The following CASKIN1 variants were observed in gnomAD, a reference collection of about 807,000 sequenced individuals.
The protein encoded by CASKIN1 is caskin-1.
Under a neutral mutation model 117.5 loss-of-function variants are expected in CASKIN1, and 42 were observed. The observed-to-expected ratio is 0.36, with a 90% CI of 0.28 to 0.46. The LOEUF is 0.46. Ranked by LOEUF, CASKIN1 falls within the 20% of genes least tolerant of loss-of-function variation. The pLI is 1.00. For synonymous variants in CASKIN1, 1,148 were observed against 961.7 expected (o/e 1.19, Z -3.59); for missense variants, 2,083 against 2,077.3 (o/e 1.00, Z -0.05).
chr16:2,185,793 C>T (rs938548225), intron 10 of CASKIN1, among the ~76,000 whole-genome samples: 2 of 152,224 alleles, frequency 1.3e-5, no homozygotes. Context: ...ACCTCCAGGT[C>T]CTCCATCAGC....
Position 2,177,847 on chromosome 16 carries a change from AGCCCCCGGCAGAGCACCC to A in CASKIN1, c.*685_*702del, listed in dbSNP as rs1369232810. ...AGAACTTAGGAGAGAAGCACGGAGGAGCCCCCGGCAGAGCACCCGCCCCCGGGCCCCAGCCTTCCACCT... is the reference window on the plus strand; with the variant it reads ...AGAACTTAGGAGAGAAGCACGGAGGAGCCCCCGGGCCCCAGCCTTCCACCT... On this transcript the variant is annotated 3_prime_UTR_variant, in exon 20 of 20. Coordinates refer to ENST00000343516, the MANE Select transcript of CASKIN1 (RefSeq NM_020764.4). 1.5e-5 allele frequency: 4 copies of A among 271,436 alleles called. No homozygotes were observed. The highest frequency in any genetic ancestry group is 1.2e-4 in the South Asian group (2 of 16,380). The allele number at this position is 271,436 out of a possible 1,614,324, so 16.8% of individuals were successfully genotyped here.
chr16:2,193,111 G>A (rs777259033), intron 1 of CASKIN1, among the ~76,000 whole-genome samples: 44 of 152,104 alleles, frequency 2.9e-4, no homozygotes, highest in Admixed American at 8.5e-4. Context: ...TCCACCTCCC[G>A]GGTTCAAGCA....
At chr16:2,187,631 T>C (rs956125852) in intron 6 of CASKIN1, among the ~76,000 whole-genome samples, 170 bp from the exon 7 acceptor site, 16 of 152,188 alleles carry the variant, frequency 1.1e-4, no homozygotes, top group Non-Finnish European at 1.6e-4. Flanking sequence ...CGCTTTTTTT[T>C]TCTTTTTGAG....
rs771607085 is a variant in CASKIN1, at chr16:2,181,318, G to A, written c.2050C>T (p.Pro684Ser). The A allele has an allele frequency of 1.4e-5, 22 of 1,605,098 alleles. No homozygotes were observed. In the Middle Eastern group the frequency reaches 4.9e-4, roughly 36 times the overall value. ...TTEKPSSHLP[P>S]TPRATTRQDS... Reference sequence around the variant, plus strand: ...TGCCGCGTGGTGGCCCTCGGGGTGGGTGGCAGGTGGCTGGAGGGCTTCTCA... The same window carrying A: ...TGCCGCGTGGTGGCCCTCGGGGTGGATGGCAGGTGGCTGGAGGGCTTCTCA... Residue 684 changes from proline (P) to serine (S), a missense_variant, in exon 18 of 20, where the codon CCC (proline) becomes TCC (serine). This residue lies in a region of CASKIN1 where 1,818 missense variants were observed against 1,688.9 expected (regional missense o/e 1.08). Transcript: ENST00000343516.
intron 3 of CASKIN1, 99 bp from the exon 4 acceptor site, chr16:2,189,663 C>T: frequency 8.2e-7 from 1 of 1,220,314 alleles, no homozygotes; most frequent in African/African-American, 1.5e-5. Flanking sequence ...CCAAGTCCAA[C>T]CCTGGGGGGT....
rs2093149100 is a variant in CASKIN1, at chr16:2,178,120, T to C, written c.*430A>G. The stretch of plus-strand genomic sequence containing the variant: ...CTCATTCCCAATAAATTAATACTCT[T>C]GATAGCTTATATTCTGGGGGTGCGG... On this transcript the variant is annotated 3_prime_UTR_variant, in exon 20 of 20. Transcript: ENST00000343516. The C allele has an allele frequency of 9.9e-6, 5 of 505,468 alleles. No individual in the cohort carries two copies. The highest frequency in any genetic ancestry group is 7.9e-5 in the South Asian group (5 of 63,410). 31.3% of individuals were successfully genotyped at this position (505,468 alleles called of 1,614,324 possible).
Position 2,182,563 on chromosome 16 carries a change from G to C in CASKIN1, c.1630-634C>G, listed in dbSNP as rs1361605784. On this transcript the variant is annotated intron_variant, in intron 16 of 19. Transcript: ENST00000343516. The surrounding 1 kb of genome is among the most constrained non-coding windows in gnomAD (Gnocchi z 4.1). ...CACCCCCAGGTGCGCGGCAAGGCCC[G>C]TGGGACCCGGACCTGACCCCTAGGA... Among the ~76,000 whole-genome samples, 4 of 152,172 alleles carry C rather than the reference G, an allele frequency of 2.6e-5. No homozygotes were observed. The highest frequency in any genetic ancestry group is 6.5e-5 in the Admixed American group (1 of 15,272).
chr16:2,183,673 G>A lies in CASKIN1; in HGVS notation c.1602C>T (p.Ile534=). 6.2e-7 allele frequency: 1 copy of A among 1,613,376 alleles called. No homozygotes were observed. The highest frequency in any genetic ancestry group is 8.5e-7 in the Non-Finnish European group (1 of 1,179,974). ...KIAAEISGLS[I]PDWLPEHKPA... Reference sequence around the variant, plus strand: ...GTTTGTGCTCAGGCAGCCAGTCAGGGATGCTTAGGCCGCTGATCTCTGCCG... The same window carrying A: ...GTTTGTGCTCAGGCAGCCAGTCAGGAATGCTTAGGCCGCTGATCTCTGCCG... The change falls in exon 16 of 20, where the codon ATC becomes ATT. Residue 534 remains isoleucine (I), a synonymous_variant. Coordinates refer to ENST00000343516, the MANE Select transcript of CASKIN1 (RefSeq NM_020764.4).
rs191801193 is a variant in CASKIN1 at position 2,186,558 on chromosome 16, G to A, written c.1048+149C>T. 5,714 of 645,434 alleles carry A rather than the reference G, an allele frequency of 8.9e-3. 56 individuals carry two copies. Among genetic ancestry groups the A allele is most frequent in the Non-Finnish European group, 0.01 (3,777 of 367,364 alleles). The allele number at this position is 645,434 out of a possible 1,614,324, so 40.0% of individuals were successfully genotyped here. On this transcript the variant is annotated intron_variant, in intron 10 of 19. Coordinates refer to ENST00000343516, the MANE Select transcript of CASKIN1 (RefSeq NM_020764.4). The stretch of plus-strand genomic sequence containing the variant: ...TGTGGGAACGGACGAGGAGACGGCC[G>A]CTGGGGCACCCTGATGCTCCCCACT...
intron 1 of CASKIN1, among the ~76,000 whole-genome samples, chr16:2,192,863 G>A (rs931806741): frequency 1.3e-5 from 2 of 152,158 alleles, no homozygotes; most frequent in African/African-American, 2.4e-5. Context: ...ATGGTGCCCC[G>A]CGCAGCTGAG....
At chr16:2,187,544 G>T in intron 6 of CASKIN1, 83 bp from the exon 7 acceptor site, 1 of 1,148,810 alleles carries the variant, frequency 8.7e-7, no homozygotes, top group Non-Finnish European at 1.3e-6. Context: ...TCCATTTCCA[G>T]GTACCCCAGC....
At chr16:2,188,537 G>C (rs757848937) in intron 6 of CASKIN1, among the ~76,000 whole-genome samples, 10 of 152,016 alleles carry the variant, frequency 6.6e-5, no homozygotes, top group Non-Finnish European at 1.0e-4. Context: ...TTTTTGTAGA[G>C]ATGGGGTCTT....
rs2093179552 is a variant in CASKIN1 at position 2,184,987 on chromosome 16, C to T, written c.1288G>A (p.Gly430Arg). 4.4e-6 allele frequency: 7 copies of T among 1,608,092 alleles called. No individual in the cohort carries two copies. Among genetic ancestry groups the T allele is most frequent in the Non-Finnish European group, 6.0e-6 (7 of 1,175,798 alleles). The change falls in exon 13 of 20, where the codon GGG becomes AGG. Residue 430 changes from glycine (G) to arginine (R), a missense_variant. By Grantham distance (125) the Gly-to-Arg change is moderately radical. Transcript: ENST00000343516. ...SQKSVSESGP[G>R]DSPAKPPEGS... Reference sequence around the variant, plus strand: ...TCCGGAGGCTTGGCGGGGCTGTCCCCCGGGCCGGACTCAGAGACGGACTTC... The same window carrying T: ...TCCGGAGGCTTGGCGGGGCTGTCCCTCGGGCCGGACTCAGAGACGGACTTC...
chr16:2,190,480 C>T, intron 1 of CASKIN1, 122 bp from the exon 2 acceptor site: 2 of 856,538 alleles, frequency 2.3e-6, no homozygotes, highest in Non-Finnish European at 3.7e-6. Flanking sequence ...TCTCAGTCTG[C>T]AGACACTCAC....
At position 2,185,147 on chromosome 16, in the gene CASKIN1, C is replaced by T; in HGVS notation, c.1203G>A (p.Gly401=). The part of the protein sequence containing the change: ...ISGMAGGRGS[G]GHALHAGSEG... The stretch of plus-strand genomic sequence containing the variant: ...CAGAGCCCGCGTGTAGGGCGTGACC[C>T]CCGCTGCCCCGGCCGCCAGCCATGC... The change falls in exon 12 of 20, where the codon GGG becomes GGA. Residue 401 remains glycine, a synonymous_variant. Transcript: ENST00000343516. 1 of 1,608,842 alleles carries T rather than the reference C, an allele frequency of 6.2e-7. No homozygotes were observed. Among genetic ancestry groups the T allele is most frequent in the Non-Finnish European group, 8.5e-7 (1 of 1,179,632 alleles).
Position 2,181,947 on chromosome 16 carries a change from A to G in CASKIN1, c.1630-18T>C. On this transcript the variant is annotated intron_variant, in intron 16 of 19. Transcript: ENST00000343516. ...AGGTTAGCCTACAGAGCAGACACAC[A>G]GAGGAGCCACCTGGGCTGGCTGCCC... The G allele has an allele frequency of 1.2e-6, 2 of 1,611,788 alleles. No homozygotes were observed. Among genetic ancestry groups the G allele is most frequent in the Non-Finnish European group, 8.5e-7 (1 of 1,178,630 alleles).
At position 2,177,217 on chromosome 16, in the gene CASKIN1, C is replaced by T. The variant is rs1465156345; in HGVS notation, c.*1333G>A. 3.7e-5 allele frequency: 9 copies of T among 244,510 alleles called. No individual in the cohort carries two copies. Among genetic ancestry groups the T allele is most frequent in the African/African-American group, 2.2e-5 (1 of 45,492 alleles). The allele number at this position is 244,510 out of a possible 1,614,324, so 15.1% of individuals were successfully genotyped here. A position where few individuals can be genotyped will look rare whatever the true frequency, so the allele number is the denominator to read the frequency against. On this transcript the variant is annotated 3_prime_UTR_variant, in exon 20 of 20. Coordinates refer to ENST00000343516, the MANE Select transcript of CASKIN1 (RefSeq NM_020764.4). Reference sequence around the variant, plus strand: ...TGTTTATTGACAGCCGACGGCAGCGCCTTGCCCAGACCTCCCCTGCCCACC... The same window carrying T: ...TGTTTATTGACAGCCGACGGCAGCGTCTTGCCCAGACCTCCCCTGCCCACC...
In CASKIN1 at chr16:2,181,036, G is replaced by C; in HGVS notation, c.2332C>G (p.Gln778Glu). ...CCTGGTCGGGTTTTGGTGGGCGTCT[G>C]GGGGGGCGTGAAGTGGCTAGTGCCT... The part of the protein sequence containing the change: ...PPGTSHFTPP[Q>E]TPTKTRPGSP... Residue 778 changes from glutamine (Q) to glutamate (E), a missense_variant, in exon 18 of 20, where the codon CAG (glutamine) becomes GAG (glutamate). Transcript: ENST00000343516. 7 of 1,485,168 alleles carry C rather than the reference G, an allele frequency of 4.7e-6. No homozygotes were observed. Among genetic ancestry groups the C allele is most frequent in the Non-Finnish European group, 6.2e-6 (7 of 1,122,372 alleles). The allele number at this position is 1,485,168 out of a possible 1,614,324, so 92.0% of individuals were successfully genotyped here.
In CASKIN1 at chr16:2,196,409, C is replaced by A; in HGVS notation, c.24G>T (p.Val8=). The change falls in exon 1 of 20, where the codon GTG becomes GTT. Residue 8 remains valine, a synonymous_variant. Transcript: ENST00000343516. This position sits in a 1 kb window ranked among gnomAD's most constrained non-coding sequence, Gnocchi z 5.7. MGKEQEL[V]QAVKAEDVGT... is the part of the protein sequence containing the mutation. ...CTACGTCCTCCGCCTTCACCGCCTG[C>A]ACCAGCTCCTGCTCCTTCCCCATGG... is the stretch of plus-strand genomic sequence containing the variant. 7.3e-7 allele frequency: 1 copy of A among 1,361,744 alleles called. No individual in the cohort carries two copies. Among genetic ancestry groups the A allele is most frequent in the Admixed American group, 2.3e-5 (1 of 42,718 alleles). The allele number at this position is 1,361,744 out of a possible 1,614,324, so 84.4% of individuals were successfully genotyped here.
Sources: gnomAD v4.1 joint callset for allele counts (sites outside exome capture counted in the v4.1 genomes callset) on GRCh38, gnomAD v4.1.1 for gene constraint, gnomAD v4.1.1 regional missense constraint, Gnocchi (gnomAD v3.1) non-coding constraint, MANE v1.5 for transcripts, NCBI Gene and HGNC (gene_info 2026-07-23, HGNC 2026-07-21) for gene names.